ATP6V1A: variants seen among roughly 807,000 people sequenced by gnomAD.
ATP6V1A encodes the protein V-type proton ATPase catalytic subunit A.
Under a neutral mutation model 70.1 loss-of-function variants are expected in ATP6V1A, and 18 were observed. The observed-to-expected ratio is 0.26, with a 90% confidence interval of 0.18 to 0.38. ATP6V1A has a LOEUF of 0.38. ATP6V1A is among the 10% of genes least tolerant of loss of function. The pLI is 1.00. For synonymous variants in ATP6V1A, 232 were observed against 253.8 expected (o/e 0.91, Z 0.82); for missense variants, 424 against 772.4 (o/e 0.55, Z 5.35).
rs1709346493 is a variant in ATP6V1A at position 113,812,033 on chromosome 3, GAAT to G, written c.*2609_*2611del. On this transcript the variant is annotated 3_prime_UTR_variant, in exon 15 of 15. Transcript: ENST00000273398. ...TGTATAATTGTTAAAATCTGTGAAA[GAAT>G]AAAAAGTGGATTTAAATTAACATTT... is the stretch of plus-strand genomic sequence containing the variant. The G allele has an allele frequency of 1.3e-5, 2 of 152,538 alleles. No individual in the cohort carries two copies. The highest frequency in any genetic ancestry group is 4.8e-5 in the African/African-American group (2 of 41,438). 9.4% of individuals were successfully genotyped at this position (152,538 alleles called of 1,614,324 possible).
chr3:113,768,415 G>C (rs527611491), intron 1 of ATP6V1A, among the ~76,000 whole-genome samples: 1 of 152,084 alleles, frequency 6.6e-6, no homozygotes, highest in South Asian at 2.1e-4. Flanking sequence ...GGTTAATTGA[G>C]TGTGCCAATA....
intron 1 of ATP6V1A, among the ~76,000 whole-genome samples, chr3:113,756,409 G>C (rs1708647550): frequency 6.6e-6 from 1 of 152,138 alleles, no homozygotes; most frequent in South Asian, 2.1e-4. Flanking sequence ...TTGAATTTTG[G>C]TGGGCACTGC....
intron 1 of ATP6V1A, among the ~76,000 whole-genome samples, chr3:113,768,908 A>G (rs1230418229): frequency 6.6e-6 from 1 of 152,144 alleles, no homozygotes; most frequent in African/African-American, 2.4e-5. Context: ...TTTTAAAAGA[A>G]CAAAGAAATT....
At chr3:113,748,150 C>T (rs1029482510) in intron 1 of ATP6V1A, among the ~76,000 whole-genome samples, 1 of 152,144 alleles carries the variant, frequency 6.6e-6, no homozygotes, top group African/African-American at 2.4e-5. Flanking sequence ...GTAAAACTCC[C>T]GGTGCCCTCT....
chr3:113,750,018 A>G (rs938374229), intron 1 of ATP6V1A, among the ~76,000 whole-genome samples: 4 of 152,210 alleles, frequency 2.6e-5, no homozygotes, highest in African/African-American at 9.6e-5. Context: ...GAATCGTACT[A>G]AATGAAAAAG....
At chr3:113,781,498 A>G (rs929494167) in intron 3 of ATP6V1A, among the ~76,000 whole-genome samples, 2 of 152,188 alleles carry the variant, frequency 1.3e-5, no homozygotes, top group Non-Finnish European at 2.9e-5. Flanking sequence ...AGCCTGGGCA[A>G]CAGAGTGAGA....
intron 1 of ATP6V1A, among the ~76,000 whole-genome samples, chr3:113,769,408 A>G (rs1001218248): frequency 7.2e-5 from 11 of 152,184 alleles, no homozygotes; most frequent in Non-Finnish European, 1.6e-4. Flanking sequence ...AATCAATTAG[A>G]TAGAATGTAT....
chr3:113,793,072 G>A (rs1709113990), intron 8 of ATP6V1A, among the ~76,000 whole-genome samples: 3 of 151,108 alleles, frequency 2.0e-5, no homozygotes, highest in Admixed American at 2.0e-4. Flanking sequence ...TTTGTTTGTT[G>A]GTTTTGAGAC....
intron 1 of ATP6V1A, among the ~76,000 whole-genome samples, chr3:113,761,148 C>T (rs1449484889): frequency 1.3e-5 from 2 of 150,480 alleles, no homozygotes; most frequent in African/African-American, 4.9e-5. Context: ...CTGTGTTGTC[C>T]AAGCTGGTCT....
At chr3:113,798,581 C>T (rs1709177974) in intron 12 of ATP6V1A, 135 bp downstream of exon 12, 1 of 728,564 alleles carries the variant, frequency 1.4e-6, no homozygotes, top group African/African-American at 1.8e-5. Flanking sequence ...TTGAAATTTT[C>T]TATTCATTAT....
At chr3:113,801,670 A>C (rs1709213775) in intron 12 of ATP6V1A, among the ~76,000 whole-genome samples, 1 of 152,176 alleles carries the variant, frequency 6.6e-6, no homozygotes, top group Admixed American at 6.5e-5. Flanking sequence ...AAGGTAAAAT[A>C]GGGAGGGTGC....
intron 11 of ATP6V1A, among the ~76,000 whole-genome samples, chr3:113,797,277 A>T (rs1709163307): frequency 7.2e-6 from 1 of 139,418 alleles, no homozygotes; most frequent in Non-Finnish European, 1.5e-5. Context: ...TTTGAGATGG[A>T]ATCTCACCCC....
intron 1 of ATP6V1A, among the ~76,000 whole-genome samples, chr3:113,756,434 A>G (rs1300990703): frequency 1.3e-5 from 2 of 152,136 alleles, no homozygotes; most frequent in African/African-American, 4.8e-5. Flanking sequence ...TTGCTCTCCA[A>G]TTTAGGGATG....
At chr3:113,770,752 G>C (rs1708829824) in intron 1 of ATP6V1A, among the ~76,000 whole-genome samples, 1 of 152,056 alleles carries the variant, frequency 6.6e-6, no homozygotes, top group Non-Finnish European at 1.5e-5. Flanking sequence ...GCTATTTTAT[G>C]TAGCATTAAA....
intron 1 of ATP6V1A, among the ~76,000 whole-genome samples, chr3:113,773,776 A>G (rs1273916234): frequency 6.6e-6 from 1 of 152,250 alleles, no homozygotes; most frequent in Admixed American, 6.5e-5. Context: ...TTAACCTCCT[A>G]TTAAGTGACT....
rs753274046 is a variant in ATP6V1A, at chr3:113,805,363, A to C, written c.1599A>C (p.Pro533=). The C allele has an allele frequency of 7.4e-6, 12 of 1,613,684 alleles. No homozygotes were observed. Among genetic ancestry groups the C allele is most frequent in the African/African-American group, 1.3e-5 (1 of 74,898 alleles). The change falls in exon 14 of 15, where the codon CCA becomes CCC. Residue 533 remains proline, a synonymous_variant. Transcript: ENST00000273398. The part of the protein sequence containing the change: ...NGYTPYDRFC[P]FYKTVGMLSN... Reference sequence around the variant, plus strand: ...CCTTCATTTATTCTAGGTTCTGCCCATTCTACAAGACAGTAGGGATGCTGT... The same window carrying C: ...CCTTCATTTATTCTAGGTTCTGCCCCTTCTACAAGACAGTAGGGATGCTGT...
At chr3:113,760,809 C>T (rs779985153) in intron 1 of ATP6V1A, among the ~76,000 whole-genome samples, 1 of 151,766 alleles carries the variant, frequency 6.6e-6, no homozygotes, top group African/African-American at 2.4e-5. Flanking sequence ...TGGCTCACCC[C>T]TGTAATCCCA....
chr3:113,795,939 G>GGTATGTCTTTCCCTAGTATA lies in ATP6V1A; in HGVS notation c.1290+3_1290+22dup. 1.0e-5 allele frequency: 16 copies of GGTATGTCTTTCCCTAGTATA among 1,608,034 alleles called. No individual in the cohort carries two copies. Among genetic ancestry groups the GGTATGTCTTTCCCTAGTATA allele is most frequent in the Non-Finnish European group, 1.4e-5 (16 of 1,177,836 alleles). ...CATCTGCCACTCTTGGTATCGTTCA[G>GGTATGTCTTTCCCTAGTATA]GTATGTCTTTCCCTAGTATAGTCAA... On this transcript the variant is annotated frameshift_variant and splice_region_variant. Coordinates refer to ENST00000273398, the MANE Select transcript of ATP6V1A (RefSeq NM_001690.4). LOFTEE classifies it high-confidence loss of function.
chr3:113,790,164 G>A (rs1040185007), intron 8 of ATP6V1A, among the ~76,000 whole-genome samples: 7 of 151,604 alleles, frequency 4.6e-5, no homozygotes, highest in Non-Finnish European at 1.0e-4. Context: ...CCAGCTACTC[G>A]GGAGGCTGAG....
Sources: gnomAD v4.1 joint callset for allele counts (sites outside exome capture counted in the v4.1 genomes callset) on GRCh38, gnomAD v4.1.1 for gene constraint, MANE v1.5 for transcripts, NCBI Gene and HGNC (gene_info 2026-07-23, HGNC 2026-07-21) for gene names.